The following SLC16A12 variants were observed in gnomAD, a reference collection of about 807,000 sequenced individuals.
SLC16A12 encodes solute carrier family 16 member 12.
In SLC16A12, 17 loss-of-function variants were observed where a neutral mutation model predicts 42.4. The observed-to-expected ratio is 0.40, with a 90% CI of 0.27 to 0.60. The LOEUF (loss-of-function observed/expected upper bound fraction) is 0.60, where lower values mean the gene tolerates loss of function less well. Among genes scored for constraint, SLC16A12 ranks in the 20% least tolerant of loss-of-function variants. The probability of loss-of-function intolerance (pLI) is 0.42; values close to 1 mark genes in which losing one functional copy is unlikely to be tolerated. For synonymous variants in SLC16A12, 224 were observed against 229.4 expected (o/e 0.98, Z 0.21); for missense variants, 544 against 623.0 (o/e 0.87, Z 1.35).
At chr10:89,542,978 A>G (rs2133885460) in intron 2 of SLC16A12, among the ~76,000 whole-genome samples, 1 of 152,206 alleles carries the variant, frequency 6.6e-6, no homozygotes, top group Non-Finnish European at 1.5e-5. Flanking sequence ...TCTTTCACCC[A>G]TACTCTTTCC....
intron 2 of SLC16A12, among the ~76,000 whole-genome samples, chr10:89,508,042 T>C (rs775074301): frequency 1.3e-5 from 2 of 152,288 alleles, no homozygotes; most frequent in East Asian, 1.9e-4. Flanking sequence ...CCTAACTATA[T>C]ATGCATCCAA....
chr10:89,524,602 G>A (rs558741455), intron 2 of SLC16A12, among the ~76,000 whole-genome samples: 6 of 152,292 alleles, frequency 3.9e-5, no homozygotes, highest in South Asian at 2.1e-4. Flanking sequence ...GGCTCTGCAC[G>A]TCCATAGCAG....
chr10:89,464,855 A>G (rs1182248663), intron 2 of SLC16A12, among the ~76,000 whole-genome samples: 2 of 152,160 alleles, frequency 1.3e-5, no homozygotes, highest in Non-Finnish European at 2.9e-5. Context: ...CTTCATCTTC[A>G]TGCTGTTAAC....
chr10:89,530,334 T>G (rs2133868660), intron 2 of SLC16A12, among the ~76,000 whole-genome samples: 2 of 152,334 alleles, frequency 1.3e-5, no homozygotes, highest in South Asian at 4.1e-4. Context: ...TTTAAAAAGC[T>G]TTATAGTCCT....
chr10:89,535,067 G>T (rs1349691278), intron 1 of SLC16A12, among the ~76,000 whole-genome samples: 1 of 152,088 alleles, frequency 6.6e-6, no homozygotes, highest in Non-Finnish European at 1.5e-5. Context: ...AAATATTATT[G>T]TCTGAGGTGG....
intron 3 of SLC16A12, among the ~76,000 whole-genome samples, chr10:89,457,010 G>A (rs905988471): frequency 2.6e-5 from 4 of 152,134 alleles, no homozygotes; most frequent in Non-Finnish European, 5.9e-5. Flanking sequence ...GGGCAGCACT[G>A]AACATACGTG....
intron 3 of SLC16A12, among the ~76,000 whole-genome samples, chr10:89,450,913 A>G (rs1210264102): frequency 6.6e-6 from 1 of 152,144 alleles, no homozygotes; most frequent in Non-Finnish European, 1.5e-5. Flanking sequence ...ATGTGTATAT[A>G]TGTGTGTGTA....
chr10:89,544,675 C>T (rs1843733126), intron 2 of SLC16A12, among the ~76,000 whole-genome samples: 2 of 151,852 alleles, frequency 1.3e-5, no homozygotes, highest in African/African-American at 4.8e-5. Flanking sequence ...TATACCAGGC[C>T]CTGTGTATGT....
chr10:89,449,728 C>T (rs973809610), intron 3 of SLC16A12, among the ~76,000 whole-genome samples: 1 of 152,164 alleles, frequency 6.6e-6, no homozygotes, highest in African/African-American at 2.4e-5. Context: ...ACACCAAAAG[C>T]AATGGCAACA....
At chr10:89,522,921 G>A (rs918440643) in intron 2 of SLC16A12, among the ~76,000 whole-genome samples, 1 of 152,198 alleles carries the variant, frequency 6.6e-6, no homozygotes, top group South Asian at 2.1e-4. Flanking sequence ...TGAGACCTTA[G>A]ATGGGATTTT....
At chr10:89,498,677 T>C (rs1198974990) in intron 2 of SLC16A12, among the ~76,000 whole-genome samples, 2 of 152,074 alleles carry the variant, frequency 1.3e-5, no homozygotes, top group African/African-American at 4.8e-5. Context: ...CAGGAATAAA[T>C]CAGGAAACCC....
intron 2 of SLC16A12, among the ~76,000 whole-genome samples, chr10:89,494,715 G>C (rs1462640440): frequency 1.3e-5 from 2 of 152,218 alleles, no homozygotes; most frequent in African/African-American, 4.8e-5. Flanking sequence ...ACATGGAAGG[G>C]AGACGGTAAG....
At chr10:89,441,402 A>T in intron 4 of SLC16A12, 151 bp from the exon 5 acceptor site, 1 of 948,330 alleles carries the variant, frequency 1.1e-6, no homozygotes, top group Non-Finnish European at 1.6e-6. Flanking sequence ...CAGAGAAAGG[A>T]AGTGATTGTC....
chr10:89,439,102 C>T lies in SLC16A12; in HGVS notation c.530G>A (p.Gly177Asp). 1 of 1,613,662 alleles carries T rather than the reference C, an allele frequency of 6.2e-7. No individual in the cohort carries two copies. Among genetic ancestry groups the T allele is most frequent in the South Asian group, 1.1e-5 (1 of 90,958 alleles). The change falls in exon 6 of 8, where the codon GGT becomes GAT. Residue 177 changes from glycine (G) to aspartate (D), a missense_variant. Physicochemically the swap from Gly to Asp is moderately conservative, Grantham distance 94 (BLOSUM62 -1). Coordinates refer to ENST00000371790, the MANE Select transcript of SLC16A12 (RefSeq NM_213606.4). ...AATGCCACTTCCTGACATGGCGATACCATAAGCAAGGGCTTTCCGTCTGCT... is the reference window on the plus strand; with the variant it reads ...AATGCCACTTCCTGACATGGCGATATCATAAGCAAGGGCTTTCCGTCTGCT... ...YFSRRKALAYGIAMSGSGIGT... is the reference protein window; with the variant it reads ...YFSRRKALAYDIAMSGSGIGT...
chr10:89,528,024 C>T (rs1162433329), intron 2 of SLC16A12, among the ~76,000 whole-genome samples: 1 of 152,020 alleles, frequency 6.6e-6, no homozygotes, highest in African/African-American at 2.4e-5. Flanking sequence ...CGTAAGAGTC[C>T]TATATAATAT....
chr10:89,520,946 C>T (rs1843342262), intron 2 of SLC16A12, among the ~76,000 whole-genome samples: 1 of 152,066 alleles, frequency 6.6e-6, no homozygotes, highest in African/African-American at 2.4e-5. Flanking sequence ...CGTACATGCT[C>T]AGTAAATGGA....
At chr10:89,541,316 A>T (rs1449940809) in intron 2 of SLC16A12, among the ~76,000 whole-genome samples, 3 of 152,086 alleles carry the variant, frequency 2.0e-5, no homozygotes. Flanking sequence ...TGGATTGAGG[A>T]TGGGTATGGT....
chr10:89,487,427 G>T (rs1342627496), intron 2 of SLC16A12, among the ~76,000 whole-genome samples: 1 of 151,976 alleles, frequency 6.6e-6, no homozygotes, highest in African/African-American at 2.4e-5. Context: ...ATGGAAAACA[G>T]TATGGAGATT....
At chr10:89,487,964 G>GTGTGTATATATATA (rs1248310697) in intron 2 of SLC16A12, among the ~76,000 whole-genome samples, 1 of 126,718 alleles carries the variant, frequency 7.9e-6, no homozygotes. Context: ...TGGTGTGTGT[G>GTGTGTATATATATA]TATATATATA....
Sources: allele counts gnomAD v4.1 joint callset (sites outside exome capture counted in the v4.1 genomes callset), GRCh38; gene constraint gnomAD v4.1.1; transcripts MANE v1.5; gene names NCBI Gene and HGNC (gene_info 2026-07-23, HGNC 2026-07-21).